OXCT1: variants seen among roughly 807,000 people sequenced by gnomAD.
OXCT1 encodes 3-oxoacid CoA-transferase 1, also known as succinyl-CoA:3-ketoacid coenzyme A transferase 1, mitochondrial.
A neutral mutation model predicts 69.6 loss-of-function variants in OXCT1; 27 were observed. That is an observed-to-expected ratio of 0.39 (90% CI 0.29 to 0.54). OXCT1 has a LOEUF of 0.54. Among genes scored for constraint, OXCT1 ranks in the 20% least tolerant of loss-of-function variants. OXCT1 has a pLI of 0.72. For synonymous variants in OXCT1, 202 were observed against 217.8 expected (o/e 0.93, Z 0.64); for missense variants, 437 against 650.2 (o/e 0.67, Z 3.57).
chr5:41,773,731 A>G (rs1744993588), intron 13 of OXCT1, among the ~76,000 whole-genome samples: 1 of 152,112 alleles, frequency 6.6e-6, no homozygotes, highest in Non-Finnish European at 1.5e-5. Context: ...GGAATATACA[A>G]ACTTTAACTC....
chr5:41,750,618 C>T (rs187325949), intron 14 of OXCT1, among the ~76,000 whole-genome samples: 5 of 152,222 alleles, frequency 3.3e-5, no homozygotes, highest in Admixed American at 2.0e-4. Context: ...CACTATCGTC[C>T]TTAGCCATCT....
intron 14 of OXCT1, among the ~76,000 whole-genome samples, chr5:41,761,654 C>T (rs542191159): frequency 3.9e-5 from 6 of 152,158 alleles, no homozygotes; most frequent in African/African-American, 1.2e-4. Flanking sequence ...CTTCTGGATA[C>T]GGCACCTCAC....
At chr5:41,795,917 A>T (rs1035370012) in intron 11 of OXCT1, among the ~76,000 whole-genome samples, 20 of 152,090 alleles carry the variant, frequency 1.3e-4, no homozygotes, top group African/African-American at 4.6e-4. Context: ...CATATAGAAA[A>T]AAAGGACCCA....
In OXCT1 at chr5:41,762,278, A is replaced by T; in HGVS notation, c.1249-78T>A. On this transcript the variant is annotated intron_variant, in intron 13 of 16. Coordinates refer to ENST00000196371, the MANE Select transcript of OXCT1 (RefSeq NM_000436.4). The surrounding 1 kb of genome is among the most constrained non-coding windows in gnomAD (Gnocchi z 4.0). ...CAGAACAAAATTAACTTGCAAAAAT[A>T]AGCTACTAGAATCATTAAAAACTCA... 1 of 1,091,330 alleles carries T rather than the reference A, an allele frequency of 9.2e-7. No homozygotes were observed. The highest frequency in any genetic ancestry group is 1.4e-6 in the Non-Finnish European group (1 of 702,790). 67.6% of individuals were successfully genotyped at this position (1,091,330 alleles called of 1,614,324 possible).
chr5:41,844,985 A>AT (rs1748824398), intron 5 of OXCT1, among the ~76,000 whole-genome samples: 1 of 151,018 alleles, frequency 6.6e-6, no homozygotes, highest in East Asian at 1.9e-4. Context: ...AGCCACAGTG[A>AT]TAGTTACAAA....
chr5:41,831,795 C>T (rs1027797554), intron 7 of OXCT1, among the ~76,000 whole-genome samples: 1 of 152,134 alleles, frequency 6.6e-6, no homozygotes, highest in African/African-American at 2.4e-5. Flanking sequence ...CCTCTGCTTA[C>T]TATTATATAT....
chr5:41,783,503 C>A (rs941933856), intron 13 of OXCT1, among the ~76,000 whole-genome samples: 2 of 152,184 alleles, frequency 1.3e-5, no homozygotes, highest in Middle Eastern at 3.4e-3. Context: ...TCTTCTTCTC[C>A]TTTTAAGTGA....
At chr5:41,794,386 C>T (rs1451416472) in intron 12 of OXCT1, 3 of 593,424 alleles carry the variant, frequency 5.1e-6, no homozygotes, top group Non-Finnish European at 8.9e-6. Context: ...AAAGTGAACA[C>T]AGTTTGAAGA....
intron 5 of OXCT1, among the ~76,000 whole-genome samples, chr5:41,846,864 G>T (rs1391981961): frequency 6.6e-6 from 1 of 152,196 alleles, no homozygotes; most frequent in Admixed American, 6.5e-5. Flanking sequence ...GTTTTGATTT[G>T]CATTTCTCTG....
At chr5:41,800,300 CCTT>C (rs1276684610) in intron 11 of OXCT1, among the ~76,000 whole-genome samples, 1 of 151,976 alleles carries the variant, frequency 6.6e-6, no homozygotes, top group African/African-American at 2.4e-5. Context: ...CAGAGTACCT[CCTT>C]AAGCACCTCT....
intron 13 of OXCT1, among the ~76,000 whole-genome samples, chr5:41,779,510 G>C (rs1745292185): frequency 6.6e-6 from 1 of 152,082 alleles, no homozygotes; most frequent in South Asian, 2.1e-4. Context: ...GACCAACAGA[G>C]AGAAAGTAAT....
At position 41,864,468 on chromosome 5, in the gene OXCT1, TTTCTA is replaced by T. The variant is rs1429738647; in HGVS notation, c.79-1723_79-1719del. Among the ~76,000 whole-genome samples, 4 of 152,272 alleles carry T rather than the reference TTTCTA, an allele frequency of 2.6e-5. No individual in the cohort carries two copies. The East Asian group carries it at 7.7e-4, about 29-fold the overall frequency. ...TTGAGCCACAAAGAGTTTTCCCTCTTTTCTATTCATCTGCTTCTGTTTTAAACATA... is the reference window on the plus strand; with the variant it reads ...TTGAGCCACAAAGAGTTTTCCCTCTTTTCATCTGCTTCTGTTTTAAACATA... On this transcript the variant is annotated intron_variant, in intron 1 of 16. Coordinates refer to ENST00000196371, the MANE Select transcript of OXCT1 (RefSeq NM_000436.4).
intron 14 of OXCT1, among the ~76,000 whole-genome samples, chr5:41,761,778 A>T (rs983111979): frequency 6.6e-6 from 1 of 152,132 alleles, no homozygotes; most frequent in Non-Finnish European, 1.5e-5. Context: ...TTAAAACCTG[A>T]ATCAATACAT....
intron 14 of OXCT1, among the ~76,000 whole-genome samples, chr5:41,759,888 A>G (rs1287966225): frequency 3.9e-5 from 6 of 152,142 alleles, no homozygotes; most frequent in Admixed American, 1.3e-4. Flanking sequence ...TATATTTCTC[A>G]GGTTTTAATC....
intron 13 of OXCT1, among the ~76,000 whole-genome samples, chr5:41,792,875 C>A (rs1745988535): frequency 6.6e-6 from 1 of 152,124 alleles, no homozygotes. Flanking sequence ...TTTGAATGAC[C>A]CAGTGTCCAG....
intron 6 of OXCT1, 22 bp from the exon 7 acceptor site, chr5:41,840,533 G>C (rs766584493): frequency 1.3e-6 from 2 of 1,572,488 alleles, no homozygotes; most frequent in Admixed American, 1.7e-5. Context: ...GAGGAGATAA[G>C]AAAGTGGGGG....
At chr5:41,749,419 G>A in intron 15 of OXCT1, 108 bp downstream of exon 15, 1 of 699,726 alleles carries the variant, frequency 1.4e-6, no homozygotes, top group Admixed American at 2.2e-5. Flanking sequence ...TCTGCCCACA[G>A]ACTAAATTAA....
At chr5:41,832,412 C>A (rs757277601) in intron 7 of OXCT1, among the ~76,000 whole-genome samples, 1 of 152,016 alleles carries the variant, frequency 6.6e-6, no homozygotes, top group Non-Finnish European at 1.5e-5. Context: ...CAGTCTCTAC[C>A]TGGTAACCCA....
chr5:41,862,208 C>G (rs567556007), intron 2 of OXCT1, among the ~76,000 whole-genome samples: 3 of 152,176 alleles, frequency 2.0e-5, no homozygotes, highest in South Asian at 2.1e-4. Context: ...GAAACTCCCT[C>G]GAGAGTCCAA....
Sources: gnomAD v4.1 joint callset for allele counts (sites outside exome capture counted in the v4.1 genomes callset) on GRCh38, gnomAD v4.1.1 for gene constraint, Gnocchi (gnomAD v3.1) non-coding constraint, MANE v1.5 for transcripts, NCBI Gene and HGNC (gene_info 2026-07-23, HGNC 2026-07-21) for gene names.